Variants in ERC2 observed in about 807,000 individuals in gnomAD.
ERC2 encodes the protein ELKS/RAB6-interacting/CAST family member 2.
Under a neutral mutation model 114.8 loss-of-function variants are expected in ERC2, and 42 were observed. That is an observed-to-expected ratio of 0.37 (90% CI 0.29 to 0.47). ERC2 has a LOEUF of 0.47. Ranked by LOEUF, ERC2 falls within the 20% of genes least tolerant of loss-of-function variation. The pLI, the probability that ERC2 is intolerant of heterozygous loss-of-function variation, is 0.99. For missense variants in ERC2, 939 were observed against 1,150.7 expected (o/e 0.82, Z 2.66); for synonymous variants, 454 against 425.5 (o/e 1.07, Z -0.82).
At chr3:55,600,191 C>T (rs2058334046) in intron 17 of ERC2, among the ~76,000 whole-genome samples, 1 of 151,922 alleles carries the variant, frequency 6.6e-6, no homozygotes, top group African/African-American at 2.4e-5. Context: ...ATAGTGAGAA[C>T]CTGAGGATAA....
At chr3:56,199,720 G>A (rs1231251625) in intron 3 of ERC2, among the ~76,000 whole-genome samples, 1 of 151,960 alleles carries the variant, frequency 6.6e-6, no homozygotes, top group East Asian at 1.9e-4. Flanking sequence ...CGTTGCCGAG[G>A]CTGCTCTGGA....
intron 14 of ERC2, among the ~76,000 whole-genome samples, chr3:55,831,023 TA>T (rs1361785059): frequency 6.6e-6 from 1 of 150,790 alleles, no homozygotes; most frequent in African/African-American, 2.4e-5. Flanking sequence ...AATATTAAAA[TA>T]AGGTAGCTGC....
chr3:56,312,477 T>C (rs2056637929), intron 2 of ERC2, among the ~76,000 whole-genome samples: 1 of 152,092 alleles, frequency 6.6e-6, no homozygotes, highest in Non-Finnish European at 1.5e-5. Flanking sequence ...AAAAAAGAAT[T>C]TGAAATCTTC....
intron 6 of ERC2, among the ~76,000 whole-genome samples, chr3:56,081,900 T>C (rs1377738671): frequency 6.6e-6 from 1 of 152,182 alleles, no homozygotes; most frequent in Non-Finnish European, 1.5e-5. Flanking sequence ...TGCAACCATG[T>C]TTATAAATGT....
Position 55,588,635 on chromosome 3 carries a change from T to C in ERC2, c.*40-77359A>G, listed in dbSNP as rs1047687787. Among the ~76,000 whole-genome samples, 32 of 152,148 alleles carry C rather than the reference T, an allele frequency of 2.1e-4. 1 individual carries two copies. The stretch of plus-strand genomic sequence containing the variant: ...CTCACTCTTAGCACCTCTGTGTTAG[T>C]TACCTAACCTCTGAGTGTGATCGAA... On this transcript the variant is annotated intron_variant, in intron 17 of 17. Coordinates refer to ENST00000288221, the MANE Select transcript of ERC2 (RefSeq NM_015576.3).
intron 7 of ERC2, among the ~76,000 whole-genome samples, chr3:56,049,053 G>C (rs898070411): frequency 5.9e-5 from 9 of 152,164 alleles, no homozygotes; most frequent in East Asian, 1.9e-4. Flanking sequence ...ATGGCCAAAG[G>C]GGGGCAGGCA....
intron 17 of ERC2, among the ~76,000 whole-genome samples, chr3:55,661,723 T>C (rs2061144929): frequency 6.6e-6 from 1 of 152,200 alleles, no homozygotes; most frequent in Admixed American, 6.5e-5. Flanking sequence ...TTGCTGCATT[T>C]TAAAATCTGA....
At chr3:56,216,295 A>G (rs540986288) in intron 3 of ERC2, among the ~76,000 whole-genome samples, 2 of 152,368 alleles carry the variant, frequency 1.3e-5, no homozygotes, top group South Asian at 4.1e-4. Flanking sequence ...ATGCAATAAA[A>G]AATGATAAAG....
At chr3:55,829,443 C>T (rs569600395) in intron 14 of ERC2, among the ~76,000 whole-genome samples, 14 of 152,186 alleles carry the variant, frequency 9.2e-5, no homozygotes, top group South Asian at 8.3e-4. Flanking sequence ...AGAAATCATC[C>T]AATCCAAAAA....
At chr3:55,785,762 AG>A (rs1390797606) in intron 14 of ERC2, among the ~76,000 whole-genome samples, 2 of 152,182 alleles carry the variant, frequency 1.3e-5, no homozygotes, top group Non-Finnish European at 2.9e-5. Flanking sequence ...CACCATCTTC[AG>A]CTCACAGTTT....
chr3:56,217,648 C>T (rs1480028013), intron 3 of ERC2, among the ~76,000 whole-genome samples: 1 of 152,152 alleles, frequency 6.6e-6, no homozygotes, highest in African/African-American at 2.4e-5. Flanking sequence ...CTTTAAAGTT[C>T]ATATGGAACA....
chr3:56,003,150 G>A (rs1290784541), intron 10 of ERC2: 1 of 1,287,328 alleles, frequency 7.8e-7, no homozygotes, highest in Non-Finnish European at 1.0e-6. Context: ...TTGCAAAGTT[G>A]GGGAGGCATT....
intron 17 of ERC2, among the ~76,000 whole-genome samples, chr3:55,564,095 C>T (rs528070012): frequency 5.9e-5 from 9 of 152,228 alleles, no homozygotes; most frequent in East Asian, 1.9e-4. Flanking sequence ...TTCTAAGGCG[C>T]GGTATCTGGT....
rs552677367 is a variant in ERC2 at position 56,249,348 on chromosome 3, C to T, written c.1074+46671G>A. Among the ~76,000 whole-genome samples, 6 of 151,168 alleles carry T rather than the reference C, an allele frequency of 4.0e-5. No homozygotes were observed. In the South Asian group the frequency reaches 1.3e-3, roughly 32 times the overall value. ...ATTAATTCACCTTTTTTTTTTGAGA[C>T]AGAGTCTCGCTCTGTCATCCAGGCT... is the stretch of plus-strand genomic sequence containing the variant. On this transcript the variant is annotated intron_variant, in intron 3 of 17. Coordinates refer to ENST00000288221, the MANE Select transcript of ERC2 (RefSeq NM_015576.3).
intron 17 of ERC2, among the ~76,000 whole-genome samples, chr3:55,541,571 C>T (rs1386819759): frequency 1.3e-5 from 2 of 152,204 alleles, no homozygotes; most frequent in African/African-American, 4.8e-5. Flanking sequence ...ATCTGACTAT[C>T]TCTGACTATC....
At chr3:55,818,866 A>C (rs2060002847) in intron 14 of ERC2, among the ~76,000 whole-genome samples, 1 of 152,258 alleles carries the variant, frequency 6.6e-6, no homozygotes, top group Admixed American at 6.5e-5. Flanking sequence ...ATATTTTCTA[A>C]TGGAAAGCAT....
intron 1 of ERC2, among the ~76,000 whole-genome samples, chr3:56,442,619 C>G (rs995614626): frequency 1.3e-5 from 2 of 152,202 alleles, no homozygotes; most frequent in Non-Finnish European, 2.9e-5. Flanking sequence ...AACAAGGCTA[C>G]TGGGGTTTTC....
In ERC2 at chr3:55,992,143, T is replaced by C; in HGVS notation, c.2169A>G (p.Gln723=). 2 of 1,613,996 alleles carry C rather than the reference T, an allele frequency of 1.2e-6. No homozygotes were observed. The highest frequency in any genetic ancestry group is 1.7e-6 in the Non-Finnish European group (2 of 1,179,890). ...TCTCCAGCAACCGGTCCACTTCCGC[T>C]TGGGCCTTGCCACACTCGTCGCGGT... The part of the protein sequence containing the change: ...SYYRDECGKA[Q]AEVDRLLEIL... The change falls in exon 11 of 18, where the codon CAA becomes CAG. Residue 723 remains glutamine, a synonymous_variant. Transcript: ENST00000288221.
At chr3:56,344,016 G>A (rs1560631892) in intron 2 of ERC2, among the ~76,000 whole-genome samples, 2 of 152,010 alleles carry the variant, frequency 1.3e-5, no homozygotes, top group Non-Finnish European at 2.9e-5. Context: ...CACGACCCCT[G>A]GCTCCTCACC....
Sources: gnomAD v4.1 joint callset for allele counts (sites outside exome capture counted in the v4.1 genomes callset) on GRCh38, gnomAD v4.1.1 for gene constraint, MANE v1.5 for transcripts, NCBI Gene and HGNC (gene_info 2026-07-23, HGNC 2026-07-21) for gene names.